Variants in KCNT2 observed in about 807,000 individuals in gnomAD.
The protein encoded by KCNT2 is potassium sodium-activated channel subfamily T member 2, also known as potassium channel subfamily T member 2.
KCNT2 carries 67 observed loss-of-function variants against 153.8 expected under a neutral mutation model. The ratio of observed to expected loss-of-function variants is 0.44; its 90% CI spans 0.36 to 0.53. KCNT2 has a LOEUF of 0.53. KCNT2 is among the 20% of genes least tolerant of loss of function. KCNT2 has a pLI of 0.00. For missense variants in KCNT2, 975 were observed against 1,354.8 expected, an observed-to-expected ratio of 0.72 and a Z score of 4.40; for synonymous variants, 500 against 458.8, an observed-to-expected ratio of 1.09 and a Z score of -1.15.
At chr1:196,575,525 TA>T (rs1332250582) in intron 1 of KCNT2, among the ~76,000 whole-genome samples, 3 of 151,890 alleles carry the variant, frequency 2.0e-5, no homozygotes, top group Non-Finnish European at 4.4e-5. Context: ...CTGACTTTTG[TA>T]ATGTAGACAT....
At chr1:196,422,030 T>C (rs1673251908) in intron 12 of KCNT2, among the ~76,000 whole-genome samples, 1 of 152,028 alleles carries the variant, frequency 6.6e-6, no homozygotes, top group Non-Finnish European at 1.5e-5. Context: ...ACCACATAAG[T>C]TCACATGCTG....
chr1:196,349,639 T>C (rs1666452647), intron 14 of KCNT2, among the ~76,000 whole-genome samples: 1 of 151,938 alleles, frequency 6.6e-6, no homozygotes, highest in African/African-American at 2.4e-5. Context: ...CTTTGTGGAG[T>C]AGATGGGGTA....
At chr1:196,527,326 T>C (rs1161164790) in intron 1 of KCNT2, among the ~76,000 whole-genome samples, 1 of 152,174 alleles carries the variant, frequency 6.6e-6, no homozygotes, top group African/African-American at 2.4e-5. Context: ...GTAACTTGTC[T>C]TCTGTTTGTC....
At chr1:196,374,911 A>C (rs562908137) in intron 13 of KCNT2, among the ~76,000 whole-genome samples, 1 of 151,978 alleles carries the variant, frequency 6.6e-6, no homozygotes, top group South Asian at 2.1e-4. Flanking sequence ...TTCAAACTGT[A>C]ACAGAAAATT....
chr1:196,428,258 C>T lies in KCNT2; in HGVS notation c.831G>A (p.Leu277=). The change falls in exon 10 of 28, where the codon CTG becomes CTA. Residue 277 remains leucine, a synonymous_variant. Coordinates refer to ENST00000294725, the MANE Select transcript of KCNT2 (RefSeq NM_198503.5). Reference sequence around the variant, plus strand: ...TTTGTCTCTCCATCCACAAATAAGCCAGCTGTTCAAACTGTAATATATTTT... The same window carrying T: ...TTTGTCTCTCCATCCACAAATAAGCTAGCTGTTCAAACTGTAATATATTTT... ...LVVLPIQFEQ[L]AYLWMERQKS... 6.2e-7 allele frequency: 1 copy of T among 1,611,744 alleles called. No individual in the cohort carries two copies. The highest frequency in any genetic ancestry group is 8.5e-7 in the Non-Finnish European group (1 of 1,178,406).
At chr1:196,566,833 G>C (rs1474700789) in intron 1 of KCNT2, among the ~76,000 whole-genome samples, 1 of 151,954 alleles carries the variant, frequency 6.6e-6, no homozygotes, top group Non-Finnish European at 1.5e-5. Context: ...AGTATAGAAG[G>C]CATATAAATA....
At chr1:196,433,138 G>A (rs1674311128) in intron 8 of KCNT2, among the ~76,000 whole-genome samples, 1 of 152,038 alleles carries the variant, frequency 6.6e-6, no homozygotes, top group Non-Finnish European at 1.5e-5. Context: ...AAAGCAGAGA[G>A]AAGGCACTCA....
intron 13 of KCNT2, among the ~76,000 whole-genome samples, chr1:196,394,665 A>G (rs1670770054): frequency 6.6e-6 from 1 of 151,522 alleles, no homozygotes. Context: ...ATATAAATAG[A>G]TGAGATCCTC....
intron 1 of KCNT2, among the ~76,000 whole-genome samples, chr1:196,512,594 A>C (rs192652378): frequency 2.2e-4 from 34 of 152,294 alleles, no homozygotes; most frequent in Non-Finnish European, 3.8e-4. Flanking sequence ...TTCTTCAAGT[A>C]GTAAAAATGT....
At chr1:196,324,999 A>G (rs978504202) in intron 19 of KCNT2, among the ~76,000 whole-genome samples, 2 of 152,128 alleles carry the variant, frequency 1.3e-5, no homozygotes, top group African/African-American at 4.8e-5. Flanking sequence ...AACACTTCTT[A>G]GCTCCTGTCA....
At chr1:196,589,876 A>C (rs1663135179) in intron 1 of KCNT2, among the ~76,000 whole-genome samples, 1 of 152,158 alleles carries the variant, frequency 6.6e-6, no homozygotes, top group Non-Finnish European at 1.5e-5. Context: ...GTGTACTCCT[A>C]AACCTTCTAA....
chr1:196,339,393 A>G (rs1464932766), intron 16 of KCNT2, among the ~76,000 whole-genome samples: 2 of 152,170 alleles, frequency 1.3e-5, no homozygotes, highest in East Asian at 1.9e-4. Context: ...TAGGACAACA[A>G]TAAAATTTAA....
intron 17 of KCNT2, among the ~76,000 whole-genome samples, 157 bp downstream of exon 17, chr1:196,333,690 A>G (rs1664712653): frequency 1.3e-5 from 2 of 152,158 alleles, no homozygotes; most frequent in Admixed American, 6.6e-5. Flanking sequence ...ACTGGCTACT[A>G]GCAGTGCGTT....
At position 196,366,167 on chromosome 1, in the gene KCNT2, T is replaced by A. The variant is rs112378710; in HGVS notation, c.1403+6973A>T. On this transcript the variant is annotated intron_variant, in intron 14 of 27. Coordinates refer to ENST00000294725, the MANE Select transcript of KCNT2 (RefSeq NM_198503.5). ...TTTACTTATTTATTTAATTATTATT[T>A]TTTTTTTTTGAGACAGAGTTTCGCT... 6.7e-3 allele frequency among the ~76,000 whole-genome samples: 1,010 copies of A among 151,038 alleles called. 11 individuals carry two copies. Among genetic ancestry groups the A allele is most frequent in the African/African-American group, 0.02 (834 of 40,894 alleles).
intron 25 of KCNT2, among the ~76,000 whole-genome samples, chr1:196,263,676 T>G (rs770305318): frequency 1.4e-4 from 22 of 151,988 alleles, no homozygotes; most frequent in Non-Finnish European, 2.1e-4. Flanking sequence ...TATGTCCAAG[T>G]GAAAAAAATA....
intron 1 of KCNT2, among the ~76,000 whole-genome samples, chr1:196,495,215 G>T (rs1409385949): frequency 6.6e-6 from 1 of 151,764 alleles, no homozygotes; most frequent in African/African-American, 2.4e-5. Flanking sequence ...CTTATACTGG[G>T]CACAGAAAAT....
chr1:196,380,606 T>C (rs1263100574), intron 13 of KCNT2, among the ~76,000 whole-genome samples: 1 of 152,152 alleles, frequency 6.6e-6, no homozygotes, highest in African/African-American at 2.4e-5. Context: ...TCAAATATCC[T>C]TTGGAAAATG....
At chr1:196,396,829 G>A (rs987011919) in intron 13 of KCNT2, among the ~76,000 whole-genome samples, 1 of 151,116 alleles carries the variant, frequency 6.6e-6, no homozygotes, top group Non-Finnish European at 1.5e-5. Context: ...AATACAAATA[G>A]TCCGTATTTT....
chr1:196,363,686 A>G (rs1667810584), intron 14 of KCNT2, among the ~76,000 whole-genome samples: 1 of 152,112 alleles, frequency 6.6e-6, no homozygotes, highest in Admixed American at 6.6e-5. Flanking sequence ...GCCTTCTGCC[A>G]TGGGATGACA....
Sources: allele counts gnomAD v4.1 joint callset (sites outside exome capture counted in the v4.1 genomes callset), GRCh38; gene constraint gnomAD v4.1.1; transcripts MANE v1.5; gene names NCBI Gene and HGNC (gene_info 2026-07-23, HGNC 2026-07-21).